The following COL6A2 variants were observed in gnomAD, a reference collection of about 807,000 sequenced individuals.
COL6A2 encodes the protein collagen alpha-2(VI) chain.
Under a neutral mutation model 124.9 loss-of-function variants are expected in COL6A2, and 90 were observed. The ratio of observed to expected loss-of-function variants is 0.72; its 90% CI spans 0.61 to 0.86. The LOEUF is 0.86. COL6A2 is among the 40% of genes least tolerant of loss of function. The probability of loss-of-function intolerance (pLI) is 0.00; values close to 1 mark genes in which losing one functional copy is unlikely to be tolerated. For missense variants in COL6A2, 1,607 were observed against 1,502.5 expected (o/e 1.07, Z -1.15); for synonymous variants, 793 against 618.2 (o/e 1.28, Z -4.19).
In COL6A2 at chr21:46,126,488, TCTC is replaced by T. The variant is rs781416136; in HGVS notation, c.2423-11_2423-9del. ...ACTGACCCTGGCCTGGCCCGGCCTC[TCTC>T]CTCTCTTCCAGACCCTCAGATCGTG... On this transcript the variant is annotated splice_polypyrimidine_tract_variant and intron_variant, in intron 26 of 27. Coordinates refer to ENST00000300527, the MANE Select transcript of COL6A2 (RefSeq NM_001849.4). 4 of 1,525,724 alleles carry T rather than the reference TCTC, an allele frequency of 2.6e-6. No individual in the cohort carries two copies. In the South Asian group the frequency reaches 4.5e-5, roughly 17 times the overall value. The allele number at this position is 1,525,724 out of a possible 1,614,324, so 94.5% of individuals were successfully genotyped here.
In COL6A2 at chr21:46,122,377, G is replaced by T. The variant is rs190608406; in HGVS notation, c.1573-119G>T. 2.2e-6 allele frequency: 3 copies of T among 1,392,562 alleles called. No individual in the cohort carries two copies. In the African/African-American group the frequency reaches 4.2e-5, roughly 20 times the overall value. 86.3% of individuals were successfully genotyped at this position (1,392,562 alleles called of 1,614,324 possible). A position where few individuals can be genotyped will look rare whatever the true frequency, so the allele number is the denominator to read the frequency against. On this transcript the variant is annotated intron_variant, in intron 19 of 27. Coordinates refer to ENST00000300527, the MANE Select transcript of COL6A2 (RefSeq NM_001849.4). ...GCACAGCTCAGAACGCAGCACAGTG[G>T]CCTCACCCAGAGTGTGAATGAGCGA... is the stretch of plus-strand genomic sequence containing the variant.
At chr21:46,106,750 G>T (rs1336054672) in intron 1 of COL6A2, among the ~76,000 whole-genome samples, 5 of 152,172 alleles carry the variant, frequency 3.3e-5, no homozygotes, top group African/African-American at 1.2e-4. Context: ...TTATGCCCAT[G>T]GTTGTGTGGA....
rs149477463 is a variant in COL6A2, at chr21:46,113,844, AC to A, written c.736-160del. ...CCTGATGGGGGCAGAGCCTCACAGCACCCCATGTCTCACAGCTCCCTCACGC... is the reference window on the plus strand; with the variant it reads ...CCTGATGGGGGCAGAGCCTCACAGCACCCATGTCTCACAGCTCCCTCACGC... On this transcript the variant is annotated intron_variant, in intron 4 of 27. Transcript: ENST00000300527. 0.088 allele frequency: 61,466 copies of A among 697,060 alleles called. 2,850 individuals are homozygous for A. The highest frequency in any genetic ancestry group is 0.12 in the African/African-American group (6,754 of 57,120). 43.2% of individuals were successfully genotyped at this position (697,060 alleles called of 1,614,324 possible). A position where few individuals can be genotyped will look rare whatever the true frequency, so the allele number is the denominator to read the frequency against.
At chr21:46,127,136 C>T (rs995109619) in intron 27 of COL6A2, among the ~76,000 whole-genome samples, 28 of 152,082 alleles carry the variant, frequency 1.8e-4, no homozygotes, top group Admixed American at 1.6e-3. Context: ...ACTGCTGCAC[C>T]GTACCTGGGC....
Position 46,121,393 on chromosome 21 carries a change from G to A in COL6A2, c.1459-163G>A, listed in dbSNP as rs138919841. 6.1e-3 allele frequency among the ~76,000 whole-genome samples: 933 copies of A among 152,312 alleles called. 9 individuals are homozygous for A. Among genetic ancestry groups the A allele is most frequent in the African/African-American group, 0.022 (897 of 41,564 alleles). On this transcript the variant is annotated intron_variant, in intron 17 of 27. Coordinates refer to ENST00000300527, the MANE Select transcript of COL6A2 (RefSeq NM_001849.4). ...TCCTGGATGGGCCACAGGGAAAGGA[G>A]GAGCTGGGACCCTCAAGACAGAGGT...
intron 25 of COL6A2, 29 bp downstream of exon 25, chr21:46,125,646 T>C: frequency 8.4e-7 from 1 of 1,191,506 alleles, no homozygotes; most frequent in Non-Finnish European, 1.2e-6. Flanking sequence ...GGTGCAGCAT[T>C]GCGGGGGGCC....
intron 5 of COL6A2, among the ~76,000 whole-genome samples, chr21:46,114,424 CAAAA>C (rs751941293): frequency 6.2e-5 from 6 of 96,616 alleles, no homozygotes; most frequent in African/African-American, 4.0e-5. Flanking sequence ...GACTCTGTCT[CAAAA>C]AAAAAAAAAA....
At chr21:46,128,722 G>A (rs998676516) in intron 27 of COL6A2, among the ~76,000 whole-genome samples, 1 of 152,224 alleles carries the variant, frequency 6.6e-6, no homozygotes, top group African/African-American at 2.4e-5. Flanking sequence ...CGTTGCAGAG[G>A]CCAGGTCTGC....
At chr21:46,126,297 C>T (rs190932356) in intron 26 of COL6A2, 60 bp downstream of exon 26, 151 of 1,576,030 alleles carry the variant, frequency 9.6e-5, no homozygotes, top group Admixed American at 3.2e-4. Context: ...CGCTGTCTAG[C>T]GTGAGCCCCA....
rs538806270 is a variant in COL6A2 at position 46,129,772 on chromosome 21, C to T, written c.2462-2182C>T. On this transcript the variant is annotated intron_variant, in intron 27 of 27. Transcript: ENST00000300527. ...TTGAATTTAAGGCCCACCCCAAGTCCAGAATGACCTCGCAAGACCCTTAAC... is the reference window on the plus strand; with the variant it reads ...TTGAATTTAAGGCCCACCCCAAGTCTAGAATGACCTCGCAAGACCCTTAAC... 8 of 1,313,048 alleles carry T rather than the reference C, an allele frequency of 6.1e-6. No individual in the cohort carries two copies. In the African/African-American group the frequency reaches 8.8e-5, roughly 14 times the overall value. The allele number at this position is 1,313,048 out of a possible 1,614,324, so 81.3% of individuals were successfully genotyped here.
Position 46,124,819 on chromosome 21 carries a change from G to A in COL6A2, c.1735-66G>A, listed in dbSNP as rs1041331979. Reference sequence around the variant, plus strand: ...GTGGACCCACGTATCAGTGGGCAGTGGCCTGGGAGAGACTCAGCCACCCAG... The same window carrying A: ...GTGGACCCACGTATCAGTGGGCAGTAGCCTGGGAGAGACTCAGCCACCCAG... On this transcript the variant is annotated intron_variant, in intron 22 of 27. Transcript: ENST00000300527. The A allele has an allele frequency of 5.0e-6, 8 of 1,604,368 alleles. No individual in the cohort carries two copies. In the African/African-American group the frequency reaches 6.7e-5, roughly 13 times the overall value.
In COL6A2 at chr21:46,118,776, G is replaced by A. The variant is rs773148481; in HGVS notation, c.1179+100G>A. 42 of 1,405,602 alleles carry A rather than the reference G, an allele frequency of 3.0e-5. 1 individual carries two copies. The highest frequency in any genetic ancestry group is 2.7e-4 in the South Asian group (22 of 81,640). 87.1% of individuals were successfully genotyped at this position (1,405,602 alleles called of 1,614,324 possible). On this transcript the variant is annotated intron_variant, in intron 13 of 27. Coordinates refer to ENST00000300527, the MANE Select transcript of COL6A2 (RefSeq NM_001849.4). ...TGGCCACCATCTCTGCTGTCACCAT[G>A]GTGCCGCATTGGGCTCTGGGGACAC...
intron 19 of COL6A2, 97 bp from the exon 20 acceptor site, chr21:46,122,399 G>A: frequency 2.6e-6 from 4 of 1,522,740 alleles, no homozygotes; most frequent in Non-Finnish European, 3.6e-6. Context: ...GTGTGAATGA[G>A]CGAGGGAGGG....
chr21:46,122,834 C>T (rs775617676), intron 20 of COL6A2, 41 bp from the exon 21 acceptor site: 2 of 1,591,360 alleles, frequency 1.3e-6, no homozygotes. Context: ...CTGGTAGAGA[C>T]AGCTCCTCTG....
At position 46,099,590 on chromosome 21, in the gene COL6A2, G is replaced by A. The variant is rs192535819; in HGVS notation, c.-28+1417G>A. Reference sequence around the variant, plus strand: ...TTATGCAAAGTCGGGCGCCTGATGCGGGGCTCACCCGCCACAAGCAGGGGT... The same window carrying A: ...TTATGCAAAGTCGGGCGCCTGATGCAGGGCTCACCCGCCACAAGCAGGGGT... On this transcript the variant is annotated intron_variant, in intron 1 of 27. Transcript: ENST00000300527. Among the ~76,000 whole-genome samples the A allele has an allele frequency of 4.6e-5, 7 of 152,268 alleles. No individual in the cohort carries two copies. The East Asian group carries it at 1.3e-3, about 29-fold the overall frequency.
At chr21:46,123,824 A>G (rs1431498614) in intron 21 of COL6A2, among the ~76,000 whole-genome samples, 2 of 144,796 alleles carry the variant, frequency 1.4e-5, no homozygotes, top group African/African-American at 2.6e-5. Flanking sequence ...GGATGAATGG[A>G]TGGGTGCATA....
At chr21:46,124,404 A>T (rs2078626830) in intron 21 of COL6A2, among the ~76,000 whole-genome samples, 1 of 152,098 alleles carries the variant, frequency 6.6e-6, no homozygotes, top group African/African-American at 2.4e-5. Context: ...TATTTCTGGG[A>T]CACCCAGCTC....
intron 21 of COL6A2, among the ~76,000 whole-genome samples, chr21:46,123,956 G>A (rs1041153302): frequency 1.2e-4 from 18 of 150,616 alleles, no homozygotes; most frequent in African/African-American, 1.9e-4. Flanking sequence ...TGGATGAGTG[G>A]ATAGATGGGT....
chr21:46,125,960 C>G lies in COL6A2; in HGVS notation c.2145C>G (p.Ile715Met). Reference sequence around the variant, plus strand: ...TCAAGTTTGCCTACGACCGCCTCATCAAGGAGAGCCGGCGCCAGAAGACAC... The same window carrying G: ...TCAAGTTTGCCTACGACCGCCTCATGAAGGAGAGCCGGCGCCAGAAGACAC... ...SALKFAYDRL[I>M]KESRRQKTRV... Residue 715 changes from isoleucine to methionine, a missense_variant, in exon 26 of 28, where the codon ATC (isoleucine) becomes ATG (methionine). Coordinates refer to ENST00000300527, the MANE Select transcript of COL6A2 (RefSeq NM_001849.4). 6.2e-7 allele frequency: 1 copy of G among 1,613,194 alleles called. No individual in the cohort carries two copies. The highest frequency in any genetic ancestry group is 8.5e-7 in the Non-Finnish European group (1 of 1,179,948).
Sources: gnomAD v4.1 joint callset for allele counts (sites outside exome capture counted in the v4.1 genomes callset) on GRCh38, gnomAD v4.1.1 for gene constraint, MANE v1.5 for transcripts, NCBI Gene and HGNC (gene_info 2026-07-23, HGNC 2026-07-21) for gene names.